Variants in SATB2 observed in about 807,000 individuals in gnomAD.
The protein encoded by SATB2 is SATB homeobox 2, also known as DNA-binding protein SATB2.
Under a neutral mutation model 73.4 loss-of-function variants are expected in SATB2, and 1 was observed. The ratio of observed to expected loss-of-function variants is 0.01; its 90% CI spans 0.00 to 0.06. SATB2 has a LOEUF of 0.06. Among genes scored for constraint, SATB2 ranks in the 10% least tolerant of loss-of-function variants. SATB2 has a pLI of 1.00. For synonymous variants in SATB2, 397 were observed against 367.0 expected (o/e 1.08, Z -0.93); for missense variants, 459 against 945.8 (o/e 0.49, Z 6.75).
At chr2:199,378,020 A>G (rs763921226) in intron 5 of SATB2, among the ~76,000 whole-genome samples, 4 of 152,218 alleles carry the variant, frequency 2.6e-5, no homozygotes, top group Non-Finnish European at 4.4e-5. Flanking sequence ...TATGTGAAAC[A>G]TGCAAATACA....
intron 6 of SATB2, among the ~76,000 whole-genome samples, chr2:199,360,059 A>T (rs908051610): frequency 2.6e-5 from 4 of 152,236 alleles, no homozygotes; most frequent in African/African-American, 9.6e-5. Flanking sequence ...CAAGCACCTT[A>T]TGAGCTTAAG....
chr2:199,304,466 A>G (rs1315489417), intron 10 of SATB2, among the ~76,000 whole-genome samples: 4 of 152,138 alleles, frequency 2.6e-5, no homozygotes, highest in Non-Finnish European at 5.9e-5. Flanking sequence ...CTTGTGTTTC[A>G]CTACTGATCC....
chr2:199,411,699 T>G (rs915191396), intron 3 of SATB2, among the ~76,000 whole-genome samples: 2 of 152,216 alleles, frequency 1.3e-5, no homozygotes, highest in African/African-American at 2.4e-5. Flanking sequence ...CAGTCTGGAC[T>G]GTATGGCAAG....
At chr2:199,450,094 C>T (rs992729381) in intron 2 of SATB2, among the ~76,000 whole-genome samples, 16 of 152,082 alleles carry the variant, frequency 1.1e-4, no homozygotes, top group African/African-American at 2.2e-4. Context: ...GTGGGGGAGA[C>T]GGGGAACTTG....
At chr2:199,432,950 C>T (rs893452445) in intron 3 of SATB2, among the ~76,000 whole-genome samples, 1 of 151,910 alleles carries the variant, frequency 6.6e-6, no homozygotes, top group African/African-American at 2.4e-5. Context: ...AAGCTTATTG[C>T]AAAGTGCAGA....
At chr2:199,311,236 T>C (rs16831260) in intron 9 of SATB2, among the ~76,000 whole-genome samples, 2,585 of 152,250 alleles carry the variant, frequency 0.017, 71 homozygotes, top group African/African-American at 0.058. Flanking sequence ...GCTGAGCTAA[T>C]AGCATGTTTA....
intron 10 of SATB2, among the ~76,000 whole-genome samples, chr2:199,286,109 T>C (rs1692680027): frequency 7.0e-6 from 1 of 143,648 alleles, no homozygotes; most frequent in Admixed American, 7.3e-5. Flanking sequence ...AGAACAACTA[T>C]ACCAACAGCT....
chr2:199,321,467 T>G (rs1027392053), intron 9 of SATB2, among the ~76,000 whole-genome samples: 1 of 151,482 alleles, frequency 6.6e-6, no homozygotes, highest in Non-Finnish European at 1.5e-5. Flanking sequence ...TAGATTTATA[T>G]ATGTATACAC....
chr2:199,390,474 A>C (rs1309014402), intron 3 of SATB2, among the ~76,000 whole-genome samples: 1 of 152,232 alleles, frequency 6.6e-6, no homozygotes, highest in East Asian at 1.9e-4. Context: ...TAATGCAAAG[A>C]AGCTTCTTTT....
Position 199,455,895 on chromosome 2 carries a change from T to C in SATB2, c.143A>G (p.Asn48Ser), listed in dbSNP as rs1467878282. 2.6e-6 allele frequency: 4 copies of C among 1,537,998 alleles called. No individual in the cohort carries two copies. The highest frequency in any genetic ancestry group is 1.9e-5 in the Admixed American group (1 of 51,412). ...GSPMGARGRP[N>S]GAVAKAVGGL... The stretch of plus-strand genomic sequence containing the variant: ...TCCCACGGCCTTGGCCACGGCGCCG[T>C]TGGGCCTCCCGCGGGCTCCCATGGG... The change falls in exon 2 of 11, where the codon AAC (asparagine) becomes AGC (serine). Residue 48 changes from asparagine to serine, a missense_variant. Coordinates refer to ENST00000417098, the MANE Select transcript of SATB2 (RefSeq NM_001172509.2). The surrounding 1 kb of genome is among the most constrained non-coding windows in gnomAD (Gnocchi z 4.1).
intron 6 of SATB2, among the ~76,000 whole-genome samples, chr2:199,353,357 G>A (rs762723441): frequency 2.0e-5 from 3 of 151,722 alleles, no homozygotes; most frequent in South Asian, 4.2e-4. Context: ...GTTTCACCAC[G>A]TTGCCCAGGT....
At chr2:199,386,851 C>T (rs1056587857) in intron 3 of SATB2, among the ~76,000 whole-genome samples, 17 of 152,074 alleles carry the variant, frequency 1.1e-4, no homozygotes, top group African/African-American at 4.1e-4. Context: ...CACTCTCACT[C>T]TGTCTAGAGT....
intron 6 of SATB2, among the ~76,000 whole-genome samples, chr2:199,366,678 C>T (rs923109472): frequency 6.6e-6 from 1 of 151,344 alleles, no homozygotes; most frequent in African/African-American, 2.4e-5. Flanking sequence ...ATGACTAGCT[C>T]CATCTCTTTG....
At chr2:199,349,577 A>G (rs1326164275) in intron 6 of SATB2, among the ~76,000 whole-genome samples, 1 of 152,224 alleles carries the variant, frequency 6.6e-6, no homozygotes, top group Non-Finnish European at 1.5e-5. Flanking sequence ...AGGAAATGAC[A>G]AGGATAACAT....
intron 10 of SATB2, among the ~76,000 whole-genome samples, chr2:199,289,863 T>A (rs747025471): frequency 6.6e-6 from 1 of 152,150 alleles, no homozygotes; most frequent in Non-Finnish European, 1.5e-5. Context: ...TTGGATTAAT[T>A]TTCCCTTCTC....
At chr2:199,381,376 C>A (rs1037373812) in intron 4 of SATB2, among the ~76,000 whole-genome samples, 1 of 152,154 alleles carries the variant, frequency 6.6e-6, no homozygotes, top group Non-Finnish European at 1.5e-5. Flanking sequence ...TTTAAGCAGG[C>A]CTAGAGGACC....
intron 9 of SATB2, among the ~76,000 whole-genome samples, chr2:199,316,555 G>A (rs993783061): frequency 5.3e-5 from 8 of 152,022 alleles, no homozygotes; most frequent in African/African-American, 1.9e-4. Flanking sequence ...AGCTATGTCT[G>A]GGTTATCTTA....
chr2:199,403,885 C>T (rs1450277222), intron 3 of SATB2, among the ~76,000 whole-genome samples: 1 of 152,180 alleles, frequency 6.6e-6, no homozygotes, highest in East Asian at 1.9e-4. Flanking sequence ...CAAACATCTA[C>T]ACAGTGCCTT....
intron 9 of SATB2, among the ~76,000 whole-genome samples, chr2:199,315,661 C>A (rs1452837972): frequency 6.6e-6 from 1 of 152,052 alleles, no homozygotes; most frequent in Non-Finnish European, 1.5e-5. Flanking sequence ...GACTAATTTT[C>A]CAGTTTTTAC....
Sources: allele counts gnomAD v4.1 joint callset (sites outside exome capture counted in the v4.1 genomes callset), GRCh38; gene constraint gnomAD v4.1.1; non-coding constraint Gnocchi (gnomAD v3.1); transcripts MANE v1.5; gene names NCBI Gene and HGNC (gene_info 2026-07-23, HGNC 2026-07-21).